The following FRYL variants were observed in gnomAD, a reference collection of about 807,000 sequenced individuals.
FRYL encodes the protein FRY like transcription coactivator, also known as protein furry homolog-like.
FRYL carries 150 observed loss-of-function variants against 351.2 expected under a neutral mutation model. That is an observed-to-expected ratio of 0.43 (90% CI 0.37 to 0.49). The LOEUF is 0.49. FRYL is among the 20% of genes least tolerant of loss of function. FRYL has a pLI of 0.00. For synonymous variants in FRYL, 1,153 were observed against 1,257.1 expected (o/e 0.92, Z 1.75); for missense variants, 3,036 against 3,619.3 (o/e 0.84, Z 4.13).
chr4:48,527,767 C>T (rs577445807), intron 52 of FRYL, 114 bp from the exon 53 acceptor site: 25 of 1,150,232 alleles, frequency 2.2e-5, no homozygotes, highest in Admixed American at 1.2e-4. Context: ...GAATTCACAG[C>T]TTAAATTTGG....
intron 3 of FRYL, among the ~76,000 whole-genome samples, chr4:48,670,417 AGT>A (rs1762466157): frequency 6.6e-6 from 1 of 151,486 alleles, no homozygotes; most frequent in Non-Finnish European, 1.5e-5. Context: ...TGGGTGACAG[AGT>A]GAGACTCCAT....
intron 47 of FRYL, among the ~76,000 whole-genome samples, chr4:48,539,179 T>G (rs1365202003): frequency 5.3e-5 from 8 of 152,104 alleles, no homozygotes; most frequent in African/African-American, 2.4e-5. Flanking sequence ...TAAAACAGTA[T>G]GATTTTTGAA....
intron 1 of FRYL, among the ~76,000 whole-genome samples, chr4:48,730,660 C>T (rs1052212213): frequency 1.3e-5 from 2 of 152,144 alleles, no homozygotes; most frequent in African/African-American, 4.8e-5. Context: ...GAAATAAAAT[C>T]CTTTACAGAC....
At chr4:48,647,754 A>G (rs1756819148) in intron 3 of FRYL, among the ~76,000 whole-genome samples, 1 of 152,206 alleles carries the variant, frequency 6.6e-6, no homozygotes, top group African/African-American at 2.4e-5. Flanking sequence ...GACCATCATG[A>G]AAAATTCACG....
rs1759610723 is a variant in FRYL at position 48,658,032 on chromosome 4, A to C, written c.-80-23542T>G. 2.0e-5 allele frequency among the ~76,000 whole-genome samples: 3 copies of C among 152,218 alleles called. No individual in the cohort carries two copies. The South Asian group carries it at 6.2e-4, about 31-fold the overall frequency. ...TTAAGCACAGAGTCAACAGAGGTAC[A>C]TTCCAATACACCAAAACCATACATA... On this transcript the variant is annotated intron_variant, in intron 3 of 63. Transcript: ENST00000358350.
intron 10 of FRYL, 118 bp from the exon 11 acceptor site, chr4:48,605,951 T>A (rs958010351): frequency 2.1e-4 from 134 of 647,624 alleles, no homozygotes; most frequent in Non-Finnish European, 3.5e-4. Context: ...GGTCAATGCA[T>A]CTTCAAGTCA....
At chr4:48,581,024 T>A (rs1578210083) in intron 21 of FRYL, 73 bp from the exon 22 acceptor site, 23 of 778,636 alleles carry the variant, frequency 3.0e-5, no homozygotes, top group Non-Finnish European at 4.2e-5. Context: ...AAGTAAACAC[T>A]AAAAATTCAC....
intron 2 of FRYL, among the ~76,000 whole-genome samples, chr4:48,690,799 A>T (rs1765611834): frequency 1.3e-5 from 2 of 152,202 alleles, no homozygotes; most frequent in African/African-American, 4.8e-5. Flanking sequence ...GTCCTATAAG[A>T]TCAAACATCA....
intron 3 of FRYL, among the ~76,000 whole-genome samples, chr4:48,649,749 C>T (rs1757256496): frequency 6.6e-6 from 1 of 152,146 alleles, no homozygotes; most frequent in Admixed American, 6.6e-5. Flanking sequence ...AAGAAATAAG[C>T]TCAACTATAA....
chr4:48,666,505 A>G (rs1022418623), intron 3 of FRYL, among the ~76,000 whole-genome samples: 2 of 152,196 alleles, frequency 1.3e-5, no homozygotes, highest in African/African-American at 4.8e-5. Flanking sequence ...ATAAATGTTT[A>G]TGCATGGTTA....
intron 16 of FRYL, among the ~76,000 whole-genome samples, chr4:48,591,296 TC>T (rs1245979281): frequency 6.6e-6 from 1 of 152,202 alleles, no homozygotes; most frequent in East Asian, 1.9e-4. Context: ...GTTGTTGGAA[TC>T]CCATCTGTTC....
In FRYL at chr4:48,718,770, A is replaced by G. The variant is rs538242312; in HGVS notation, c.-383-8072T>C. Among the ~76,000 whole-genome samples, 15 of 151,354 alleles carry G rather than the reference A, an allele frequency of 9.9e-5. No homozygotes were observed. In the East Asian group the frequency reaches 2.7e-3, roughly 27 times the overall value. On this transcript the variant is annotated intron_variant, in intron 1 of 63. Coordinates refer to ENST00000358350, the MANE Select transcript of FRYL (RefSeq NM_015030.2). Reference sequence around the variant, plus strand: ...CTATGTGTGAAGCATTTTTTTTCACATATCTCTCAGAATCCTCCCTTTTCA... The same window carrying G: ...CTATGTGTGAAGCATTTTTTTTCACGTATCTCTCAGAATCCTCCCTTTTCA...
chr4:48,590,740 T>G lies in FRYL; in HGVS notation c.1426A>C (p.Ile476Leu). 6.2e-7 allele frequency: 1 copy of G among 1,613,338 alleles called. No individual in the cohort carries two copies. The highest frequency in any genetic ancestry group is 8.5e-7 in the Non-Finnish European group (1 of 1,179,326). ...GEPPMPTTGV[I>L]LPSGNTLRVK... is the part of the protein sequence containing the mutation. ...CGAAGAGTATTTCCTGAGGGAAGAA[T>G]AACTCCTGTTGTTGGCATGGGTGGT... The change falls in exon 17 of 64, where the codon ATT (isoleucine) becomes CTT (leucine). Residue 476 changes from isoleucine (I) to leucine (L), a missense_variant. Coordinates refer to ENST00000358350, the MANE Select transcript of FRYL (RefSeq NM_015030.2).
chr4:48,724,289 A>G (rs1200042483), intron 1 of FRYL, among the ~76,000 whole-genome samples: 1 of 152,024 alleles, frequency 6.6e-6, no homozygotes, highest in Non-Finnish European at 1.5e-5. Context: ...TTCCAGCCAC[A>G]CTAGTTTTCC....
At chr4:48,664,290 G>C (rs1274110821) in intron 3 of FRYL, among the ~76,000 whole-genome samples, 1 of 152,166 alleles carries the variant, frequency 6.6e-6, no homozygotes, top group African/African-American at 2.4e-5. Flanking sequence ...TAGGTGGCGA[G>C]GGGACTTGCA....
chr4:48,747,051 C>A (rs1772758864), intron 1 of FRYL, among the ~76,000 whole-genome samples: 1 of 152,088 alleles, frequency 6.6e-6, no homozygotes, highest in African/African-American at 2.4e-5. Flanking sequence ...CAGGCCAATT[C>A]CTGGAAAAAG....
intron 49 of FRYL, among the ~76,000 whole-genome samples, chr4:48,532,447 C>A (rs1727872252): frequency 6.6e-6 from 1 of 152,200 alleles, no homozygotes; most frequent in African/African-American, 2.4e-5. Flanking sequence ...CACTTGAGGT[C>A]AGGAGTTTGA....
intron 4 of FRYL, among the ~76,000 whole-genome samples, chr4:48,626,540 T>G (rs1751865429): frequency 6.6e-6 from 1 of 152,100 alleles, no homozygotes. Context: ...TTGTCAGTCT[T>G]TCTACCTACT....
At chr4:48,779,764 G>A (rs1449374053) in intron 1 of FRYL, among the ~76,000 whole-genome samples, 2 of 151,958 alleles carry the variant, frequency 1.3e-5, no homozygotes, top group Admixed American at 6.5e-5. Context: ...GGCACTGGAG[G>A]GGAAGGGGAC....
Sources: allele counts gnomAD v4.1 joint callset (sites outside exome capture counted in the v4.1 genomes callset), GRCh38; gene constraint gnomAD v4.1.1; transcripts MANE v1.5; gene names NCBI Gene and HGNC (gene_info 2026-07-23, HGNC 2026-07-21).